Variants in ANKRD36C observed in about 807,000 individuals in gnomAD.
The protein encoded by ANKRD36C is ankyrin repeat domain 36C.
ANKRD36C carries 61 observed loss-of-function variants against 276.4 expected under a neutral mutation model. That is an observed-to-expected ratio of 0.22 (90% CI 0.18 to 0.27). The LOEUF is 0.27. ANKRD36C is among the 10% of genes least tolerant of loss of function. ANKRD36C has a pLI of 1.00. For missense variants in ANKRD36C, 1,447 were observed against 2,032.3 expected, an observed-to-expected ratio of 0.71 and a Z score of 5.54; for synonymous variants, 483 against 680.1, an observed-to-expected ratio of 0.71 and a Z score of 4.51.
chr2:95,891,401 T>C (rs891548004), intron 46 of ANKRD36C, among the ~76,000 whole-genome samples: 21 of 151,440 alleles, frequency 1.4e-4, no homozygotes, highest in African/African-American at 5.1e-4. Context: ...AATTATGTTG[T>C]TTCCCAGAGC....
chr2:95,928,743 T>C (rs1677479504), intron 26 of ANKRD36C, among the ~76,000 whole-genome samples: 2 of 151,452 alleles, frequency 1.3e-5, no homozygotes, highest in Non-Finnish European at 3.0e-5. Context: ...ATCTATTACT[T>C]CATCTCGTTC....
At chr2:95,985,087 CAAAG>C (rs1227625483) in intron 3 of ANKRD36C, among the ~76,000 whole-genome samples, 4 of 152,130 alleles carry the variant, frequency 2.6e-5, no homozygotes, top group Non-Finnish European at 5.9e-5. Context: ...AGAATGATAA[CAAAG>C]AGACTCAGAG....
intron 24 of ANKRD36C, among the ~76,000 whole-genome samples, chr2:95,930,999 C>A (rs868351665): frequency 6.6e-6 from 1 of 151,634 alleles, no homozygotes; most frequent in South Asian, 2.1e-4. Context: ...CAAATTACCT[C>A]ACTAGCTGCT....
intron 6 of ANKRD36C, among the ~76,000 whole-genome samples, chr2:95,966,722 G>T (rs112982450): frequency 1.3e-5 from 2 of 151,518 alleles, no homozygotes; most frequent in Non-Finnish European, 2.9e-5. Flanking sequence ...TAGCTTGATG[G>T]GTATAGCATT....
At chr2:95,920,005 G>A in intron 34 of ANKRD36C, 85 bp from the exon 35 acceptor site, 3 of 1,412,212 alleles carry the variant, frequency 2.1e-6, no homozygotes, top group African/African-American at 1.5e-5. Flanking sequence ...GCATCAAGCT[G>A]TATCCTTCTG....
chr2:95,928,572 T>C (rs554457140), intron 26 of ANKRD36C, among the ~76,000 whole-genome samples: 1 of 151,612 alleles, frequency 6.6e-6, no homozygotes, highest in East Asian at 1.9e-4. Context: ...CAAAATTACA[T>C]AAATACCTTC....
In ANKRD36C at chr2:95,926,212, A is replaced by T. The variant is rs141260959; in HGVS notation, c.1940-665T>A. Reference sequence around the variant, plus strand: ...AGGTTCTTCGTCCACTCATGGCAACAAATATAATATATAAACCTTATCAAA... The same window carrying T: ...AGGTTCTTCGTCCACTCATGGCAACTAATATAATATATAAACCTTATCAAA... On this transcript the variant is annotated intron_variant, in intron 28 of 66. Transcript: ENST00000456556. 2.9e-3 allele frequency among the ~76,000 whole-genome samples: 437 copies of T among 151,790 alleles called. 1 individual carries two copies. The highest frequency in any genetic ancestry group is 5.0e-3 in the Non-Finnish European group (342 of 67,736).
intron 64 of ANKRD36C, chr2:95,852,422 T>G (rs1157161369): frequency 4.0e-6 from 2 of 496,682 alleles, no homozygotes; most frequent in Non-Finnish European, 7.2e-6. Context: ...ATGGCTACTT[T>G]TGTGCTGTAA....
chr2:95,972,874 T>G (rs577889291), intron 6 of ANKRD36C, among the ~76,000 whole-genome samples: 6 of 152,008 alleles, frequency 3.9e-5, no homozygotes, highest in Admixed American at 3.9e-4. Context: ...ATATATCCCA[T>G]AGTATGAAAG....
intron 59 of ANKRD36C, among the ~76,000 whole-genome samples, chr2:95,875,194 G>C (rs1348218162): frequency 2.6e-5 from 4 of 152,032 alleles, no homozygotes; most frequent in Non-Finnish European, 5.9e-5. Context: ...ATACCCAAAG[G>C]ACTATAAATC....
chr2:95,954,611 A>G (rs1458364983), intron 13 of ANKRD36C, among the ~76,000 whole-genome samples: 1 of 152,226 alleles, frequency 6.6e-6, no homozygotes, highest in East Asian at 1.9e-4. Flanking sequence ...TACAAAAGTC[A>G]AAGTACAAAT....
exon 52 of ANKRD36C, chr2:95,886,068 T>A (rs1238314944): frequency 6.2e-7 from 1 of 1,611,294 alleles, no homozygotes; most frequent in Non-Finnish European, 8.5e-7. Flanking sequence ...TATTTGTCCA[T>A]CCTTTATCTC....
intron 44 of ANKRD36C, among the ~76,000 whole-genome samples, chr2:95,893,158 TTCTG>T (rs1676425644): frequency 6.6e-6 from 1 of 151,396 alleles, no homozygotes; most frequent in Non-Finnish European, 1.5e-5. Context: ...ATTACAAGTT[TTCTG>T]TCTGTTTTTA....
chr2:95,946,566 C>G (rs1321902824), intron 17 of ANKRD36C, among the ~76,000 whole-genome samples: 1 of 143,914 alleles, frequency 6.9e-6, no homozygotes, highest in African/African-American at 2.6e-5. Context: ...GGGTATATAC[C>G]CAAAGGACTA....
chr2:95,937,918 C>T (rs1186649930), intron 22 of ANKRD36C, among the ~76,000 whole-genome samples: 1 of 152,296 alleles, frequency 6.6e-6, no homozygotes, highest in Admixed American at 6.5e-5. Context: ...TTTGTATCAG[C>T]ATGAAGAGAC....
At chr2:95,890,969 A>T (rs1427252607) in intron 46 of ANKRD36C, among the ~76,000 whole-genome samples, 1 of 151,526 alleles carries the variant, frequency 6.6e-6, no homozygotes, top group African/African-American at 2.4e-5. Flanking sequence ...TATAACTACA[A>T]TCAACAAAAT....
intron 30 of ANKRD36C, among the ~76,000 whole-genome samples, chr2:95,924,546 T>A (rs991522922): frequency 9.9e-5 from 15 of 151,656 alleles, no homozygotes; most frequent in African/African-American, 3.6e-4. Flanking sequence ...CTCTGGAATA[T>A]CATTGTATTA....
chr2:95,880,246 A>T (rs57507953), intron 58 of ANKRD36C, among the ~76,000 whole-genome samples, 181 bp downstream of exon 78: 23 of 152,356 alleles, frequency 1.5e-4, no homozygotes, highest in Admixed American at 3.3e-4. Context: ...TTAAAAATAT[A>T]TTTTCCTTAT....
In ANKRD36C at chr2:95,958,746, G is replaced by C. The variant is rs781138901; in HGVS notation, c.1032+11C>G. On this transcript the variant is annotated intron_variant, in intron 11 of 66. Transcript: ENST00000456556. ...AGTTAATTATTCAAAATATGAATGAGAGTATAATACCTTCAAGGCCGGTTG... is the reference window on the plus strand; with the variant it reads ...AGTTAATTATTCAAAATATGAATGACAGTATAATACCTTCAAGGCCGGTTG... 20 of 1,533,726 alleles carry C rather than the reference G, an allele frequency of 1.3e-5. No homozygotes were observed. In the South Asian group the frequency reaches 2.0e-4, roughly 16 times the overall value.
Sources: gnomAD v4.1 joint callset for allele counts (sites outside exome capture counted in the v4.1 genomes callset) on GRCh38, gnomAD v4.1.1 for gene constraint, MANE v1.5 for transcripts, NCBI Gene and HGNC (gene_info 2026-07-23, HGNC 2026-07-21) for gene names.